The following ZBTB7C variants were observed in gnomAD, a reference collection of about 807,000 sequenced individuals.
ZBTB7C encodes zinc finger and BTB domain containing 7C, also known as zinc finger and BTB domain-containing protein 7C.
ZBTB7C carries 8 observed loss-of-function variants against 25.7 expected under a neutral mutation model. That is an observed-to-expected ratio of 0.31 (90% CI 0.18 to 0.56). ZBTB7C has a LOEUF of 0.56. Ranked by LOEUF, ZBTB7C falls within the 20% of genes least tolerant of loss-of-function variation. The pLI is 0.91. For synonymous variants in ZBTB7C, 394 were observed against 369.0 expected (o/e 1.07, Z -0.78); for missense variants, 824 against 855.2 (o/e 0.96, Z 0.46).
chr18:48,059,724 A>C (rs1455935683), intron 3 of ZBTB7C, among the ~76,000 whole-genome samples: 1 of 152,102 alleles, frequency 6.6e-6, no homozygotes, highest in Non-Finnish European at 1.5e-5. Flanking sequence ...TTCCAAATAC[A>C]TGGTACACTT....
chr18:48,059,342 T>G (rs370585785), intron 3 of ZBTB7C, among the ~76,000 whole-genome samples: 2 of 152,050 alleles, frequency 1.3e-5, no homozygotes, highest in African/African-American at 2.4e-5. Flanking sequence ...AGCTTCCTAT[T>G]TGCAAACAGA....
At chr18:48,103,760 G>A (rs2038931778) in intron 3 of ZBTB7C, among the ~76,000 whole-genome samples, 1 of 151,860 alleles carries the variant, frequency 6.6e-6, no homozygotes. Context: ...GCAATAAGAA[G>A]GAATGAAGCA....
chr18:48,396,431 T>C (rs866234419), intron 1 of ZBTB7C, among the ~76,000 whole-genome samples: 1 of 152,152 alleles, frequency 6.6e-6, no homozygotes, highest in Admixed American at 6.5e-5. Flanking sequence ...CAAAACCTCA[T>C]CAGGTGAGCT....
At chr18:48,377,291 GA>G (rs775526988) in intron 1 of ZBTB7C, among the ~76,000 whole-genome samples, 21 of 152,206 alleles carry the variant, frequency 1.4e-4, no homozygotes, top group Non-Finnish European at 2.8e-4. Context: ...GTAGCCCCCA[GA>G]ATCTCCTGAT....
chr18:48,030,527 T>G (rs2035697869), intron 4 of ZBTB7C, among the ~76,000 whole-genome samples: 1 of 152,210 alleles, frequency 6.6e-6, no homozygotes. Flanking sequence ...TGTAGACAAT[T>G]TCAGGGTTTA....
chr18:48,267,223 G>A (rs2044341547), intron 2 of ZBTB7C, among the ~76,000 whole-genome samples: 1 of 152,188 alleles, frequency 6.6e-6, no homozygotes. Flanking sequence ...ATGACAGGAA[G>A]TTTTCTCTTC....
In ZBTB7C at chr18:48,198,204, A is replaced by G. The variant is rs928066441; in HGVS notation, c.-78-12209T>C. ...TCCTAGACAGTTCAGCAAGTTAGAA[A>G]TCTGTCCATTCCATTTTCATTTTTT... On this transcript the variant is annotated intron_variant, in intron 2 of 4. Transcript: ENST00000590800. Among the ~76,000 whole-genome samples the G allele has an allele frequency of 2.0e-5, 3 of 152,142 alleles. No homozygotes were observed. In the East Asian group the frequency reaches 5.8e-4, roughly 29 times the overall value.
At chr18:48,279,331 T>C (rs999808281) in intron 2 of ZBTB7C, among the ~76,000 whole-genome samples, 3 of 152,184 alleles carry the variant, frequency 2.0e-5, no homozygotes. Flanking sequence ...CCTGCCTCCC[T>C]GCAGTCATTT....
chr18:48,392,594 T>A (rs1568420699), intron 1 of ZBTB7C, among the ~76,000 whole-genome samples: 1 of 152,162 alleles, frequency 6.6e-6, no homozygotes. Flanking sequence ...AATCAGTGAG[T>A]GTTACAGCTC....
At chr18:48,295,174 T>C (rs1208877888) in intron 2 of ZBTB7C, among the ~76,000 whole-genome samples, 1 of 152,172 alleles carries the variant, frequency 6.6e-6, no homozygotes, top group Admixed American at 6.5e-5. Context: ...AGTAACGTCT[T>C]GTTAAACACA....
intron 2 of ZBTB7C, among the ~76,000 whole-genome samples, chr18:48,209,184 G>C (rs894806710): frequency 1.3e-5 from 2 of 152,200 alleles, no homozygotes; most frequent in African/African-American, 2.4e-5. Context: ...GGCAATGGAT[G>C]CTCCAAGTTG....
At chr18:48,111,225 G>C (rs980035176) in intron 3 of ZBTB7C, among the ~76,000 whole-genome samples, 1 of 152,104 alleles carries the variant, frequency 6.6e-6, no homozygotes, top group African/African-American at 2.4e-5. Flanking sequence ...CTCCTCTTAT[G>C]GACCCTAGAA....
rs372246109 is a variant in ZBTB7C, at chr18:48,187,683, TG to T, written c.-78-1689del. ...ACACACACAAAACTTTAGTCGGGTG[TG>T]GGGGCCGGTGCCTGTAGTACCAGCT... is the stretch of plus-strand genomic sequence containing the variant. On this transcript the variant is annotated intron_variant, in intron 2 of 4. Transcript: ENST00000590800. 4.2e-3 allele frequency among the ~76,000 whole-genome samples: 636 copies of T among 151,870 alleles called. 5 individuals are homozygous for T. Among genetic ancestry groups the T allele is most frequent in the African/African-American group, 0.015 (616 of 41,418 alleles).
intron 2 of ZBTB7C, among the ~76,000 whole-genome samples, chr18:48,305,681 CAGTT>C (rs1165840720): frequency 2.0e-5 from 3 of 152,172 alleles, no homozygotes; most frequent in South Asian, 2.1e-4. Flanking sequence ...TCCAAGCTGA[CAGTT>C]AGGGAGAGTG....
intron 2 of ZBTB7C, among the ~76,000 whole-genome samples, chr18:48,306,943 C>A (rs890074730): frequency 6.6e-6 from 1 of 152,118 alleles, no homozygotes; most frequent in African/African-American, 2.4e-5. Context: ...GCCAGTGTTC[C>A]ACGGAGCAGG....
At chr18:48,138,685 G>A (rs1017477738) in intron 3 of ZBTB7C, among the ~76,000 whole-genome samples, 1 of 152,144 alleles carries the variant, frequency 6.6e-6, no homozygotes, top group African/African-American at 2.4e-5. Context: ...TCCAAGATTG[G>A]ATGACTCCAT....
At chr18:48,120,567 G>A (rs1275152452) in intron 3 of ZBTB7C, among the ~76,000 whole-genome samples, 1 of 152,060 alleles carries the variant, frequency 6.6e-6, no homozygotes, top group Non-Finnish European at 1.5e-5. Context: ...CCGAGATCAC[G>A]CCACTGCACT....
intron 2 of ZBTB7C, among the ~76,000 whole-genome samples, chr18:48,301,293 A>G (rs540659054): frequency 2.3e-4 from 35 of 152,342 alleles, no homozygotes; most frequent in Admixed American, 1.0e-3. Flanking sequence ...AGCCTGGTCA[A>G]CATGGCAAAA....
intron 3 of ZBTB7C, among the ~76,000 whole-genome samples, chr18:48,117,694 C>T (rs1214242856): frequency 1.3e-5 from 2 of 152,192 alleles, no homozygotes; most frequent in African/African-American, 2.4e-5. Context: ...CAACAAAACA[C>T]GTGTTCCATC....
Sources: allele counts gnomAD v4.1 joint callset (sites outside exome capture counted in the v4.1 genomes callset), GRCh38; gene constraint gnomAD v4.1.1; transcripts MANE v1.5; gene names NCBI Gene and HGNC (gene_info 2026-07-23, HGNC 2026-07-21).